The following PCDH15 variants were observed in gnomAD, a reference collection of about 807,000 sequenced individuals.
PCDH15 encodes protocadherin-15.
Under a neutral mutation model 178.5 loss-of-function variants are expected in PCDH15, and 129 were observed. That is an observed-to-expected ratio of 0.72 (90% CI 0.63 to 0.84). PCDH15 has a LOEUF of 0.84. PCDH15 is among the 40% of genes least tolerant of loss of function. PCDH15 has a pLI of 0.00. For missense variants in PCDH15, 2,230 were observed against 2,099.9 expected (o/e 1.06, Z -1.21); for synonymous variants, 800 against 732.0 (o/e 1.09, Z -1.50).
At chr10:55,416,237 C>T (rs1369860921) in intron 2 of PCDH15, among the ~76,000 whole-genome samples, 1 of 151,690 alleles carries the variant, frequency 6.6e-6, no homozygotes, top group South Asian at 2.1e-4. Flanking sequence ...ACATCCTCCA[C>T]AACCCCAACA....
intron 15 of PCDH15, among the ~76,000 whole-genome samples, chr10:54,112,094 G>C (rs191531173): frequency 6.6e-6 from 1 of 151,996 alleles, no homozygotes; most frequent in Admixed American, 6.5e-5. Flanking sequence ...AGTGAGTCGA[G>C]ATCATGGCTA....
intron 2 of PCDH15, among the ~76,000 whole-genome samples, chr10:55,456,776 C>G (rs957688120): frequency 6.6e-6 from 1 of 151,892 alleles, no homozygotes; most frequent in Non-Finnish European, 1.5e-5. Flanking sequence ...AAAAATTGCT[C>G]TAAATCATTT....
At chr10:55,339,687 G>C (rs1049649966) in intron 2 of PCDH15, among the ~76,000 whole-genome samples, 5 of 152,022 alleles carry the variant, frequency 3.3e-5, no homozygotes, top group Admixed American at 6.6e-5. Flanking sequence ...ATCTTACAGA[G>C]GGACTGATTG....
intron 25 of PCDH15, among the ~76,000 whole-genome samples, chr10:53,933,048 C>T (rs190462198): frequency 6.9e-4 from 105 of 152,168 alleles, no homozygotes; most frequent in Non-Finnish European, 4.7e-4. Flanking sequence ...TTATAAGCTT[C>T]CGGAGGTCTC....
At chr10:54,959,313 C>A (rs1838581348) in intron 2 of PCDH15, among the ~76,000 whole-genome samples, 1 of 151,828 alleles carries the variant, frequency 6.6e-6, no homozygotes, top group Middle Eastern at 3.4e-3. Flanking sequence ...ACTTTCCCAG[C>A]AAATGAGAGA....
chr10:54,093,578 T>C (rs1911417), intron 15 of PCDH15, among the ~76,000 whole-genome samples: 91,232 of 152,000 alleles, frequency 0.6, 27,902 homozygotes, highest in Middle Eastern at 0.72. Flanking sequence ...TGTGTGTATA[T>C]GTGCCCTAAA....
chr10:55,088,825 AT>A (rs1329809620), intron 2 of PCDH15, among the ~76,000 whole-genome samples: 2 of 152,130 alleles, frequency 1.3e-5, no homozygotes, highest in Admixed American at 6.6e-5. Context: ...AATGATTTAT[AT>A]TTCTAGTTTT....
chr10:54,608,475 G>A (rs1050569067), intron 2 of PCDH15, among the ~76,000 whole-genome samples: 2 of 151,944 alleles, frequency 1.3e-5, no homozygotes, highest in Admixed American at 1.3e-4. Context: ...TCTGGGTGTG[G>A]TGACACACGC....
intron 6 of PCDH15, among the ~76,000 whole-genome samples, chr10:54,337,568 A>G (rs1409934738): frequency 6.6e-6 from 1 of 152,142 alleles, no homozygotes; most frequent in Non-Finnish European, 1.5e-5. Flanking sequence ...CTAACACAAC[A>G]ATAAAGCAAA....
intron 21 of PCDH15, among the ~76,000 whole-genome samples, chr10:53,975,751 T>C (rs995116429): frequency 6.6e-6 from 1 of 150,958 alleles, no homozygotes. Flanking sequence ...GTCTCTTCGC[T>C]GGGGCAAAGC....
At chr10:55,154,496 C>A (rs2799579) in intron 2 of PCDH15, among the ~76,000 whole-genome samples, 143,172 of 152,158 alleles carry the variant, frequency 0.94, 67,640 homozygotes, top group East Asian at 1. Flanking sequence ...TAAAATTTGG[C>A]TTACCGAAGC....
At chr10:55,114,684 G>A (rs1837587667) in intron 2 of PCDH15, among the ~76,000 whole-genome samples, 1 of 152,070 alleles carries the variant, frequency 6.6e-6, no homozygotes, top group African/African-American at 2.4e-5. Context: ...TGAACTCCCT[G>A]CACTCAATAA....
intron 11 of PCDH15, among the ~76,000 whole-genome samples, chr10:54,187,623 T>C (rs955424131): frequency 1.1e-4 from 16 of 151,896 alleles, no homozygotes; most frequent in Non-Finnish European, 1.9e-4. Context: ...AATAACTAGC[T>C]GGAGAAAGAT....
intron 1 of PCDH15, among the ~76,000 whole-genome samples, chr10:55,215,943 G>C (rs1840690615): frequency 6.6e-6 from 1 of 151,940 alleles, no homozygotes; most frequent in South Asian, 2.1e-4. Flanking sequence ...AGTTGTATGG[G>C]AGTAGAGAAA....
intron 3 of PCDH15, among the ~76,000 whole-genome samples, chr10:54,881,268 G>A (rs1303199420): frequency 6.6e-6 from 1 of 152,004 alleles, no homozygotes; most frequent in Non-Finnish European, 1.5e-5. Context: ...AGGAGTGACA[G>A]GCAGACCTAT....
chr10:54,752,479 A>AC (rs199730725), intron 1 of PCDH15, among the ~76,000 whole-genome samples: 14,484 of 103,538 alleles, frequency 0.14, 1,575 homozygotes, highest in Middle Eastern at 0.25. Context: ...TCCGTCTCAA[A>AC]AAAAAAAAAA....
At chr10:54,769,565 A>C (rs1948866342) in intron 1 of PCDH15, among the ~76,000 whole-genome samples, 1 of 151,902 alleles carries the variant, frequency 6.6e-6, no homozygotes, top group African/African-American at 2.4e-5. Flanking sequence ...CTAGCATGCA[A>C]CCTGGGATCC....
intron 28 of PCDH15, 148 bp downstream of exon 28, chr10:53,857,026 AC>A (rs1330632669): frequency 1.6e-6 from 1 of 634,480 alleles, no homozygotes; most frequent in Non-Finnish European, 2.7e-6. Context: ...GGTGGTTGGC[AC>A]ACTCGAAGCC....
intron 2 of PCDH15, among the ~76,000 whole-genome samples, chr10:55,558,894 T>C (rs1842140653): frequency 6.6e-6 from 1 of 152,106 alleles, no homozygotes; most frequent in Non-Finnish European, 1.5e-5. Flanking sequence ...GTGTAATACA[T>C]GTACAGATAC....
Sources: allele counts gnomAD v4.1 joint callset (sites outside exome capture counted in the v4.1 genomes callset), GRCh38; gene constraint gnomAD v4.1.1; transcripts MANE v1.5; gene names NCBI Gene and HGNC (gene_info 2026-07-23, HGNC 2026-07-21).